The following PTPRD variants were observed in gnomAD, a reference collection of about 807,000 sequenced individuals.
PTPRD encodes the protein receptor-type tyrosine-protein phosphatase delta.
PTPRD carries 34 observed loss-of-function variants against 214.5 expected under a neutral mutation model. The ratio of observed to expected loss-of-function variants is 0.16; its 90% confidence interval spans 0.12 to 0.21. The LOEUF (loss-of-function observed/expected upper bound fraction) is 0.21. PTPRD is among the 10% of genes least tolerant of loss of function. The probability of loss-of-function intolerance (pLI) is 1.00; values close to 1 mark genes in which losing one functional copy is unlikely to be tolerated. For synonymous variants in PTPRD, 1,128 were observed against 845.7 expected, an observed-to-expected ratio of 1.33 and a Z score of -5.79; for missense variants, 2,545 against 2,398.7, an observed-to-expected ratio of 1.06 and a Z score of -1.27.
At chr9:10,547,642 T>G (rs1219928448) in intron 2 of PTPRD, among the ~76,000 whole-genome samples, 1 of 151,922 alleles carries the variant, frequency 6.6e-6, no homozygotes, top group Non-Finnish European at 1.5e-5. Flanking sequence ...AGTAGTATTG[T>G]GTACCATCAA....
chr9:10,243,920 T>G (rs2154364419), intron 3 of PTPRD, among the ~76,000 whole-genome samples: 1 of 152,184 alleles, frequency 6.6e-6, no homozygotes, highest in African/African-American at 2.4e-5. Context: ...CTGCTAGATT[T>G]ACATCAAAGT....
At chr9:9,975,644 T>C (rs142328894) in intron 4 of PTPRD, among the ~76,000 whole-genome samples, 1 of 152,296 alleles carries the variant, frequency 6.6e-6, no homozygotes, top group African/African-American at 2.4e-5. Context: ...TGCTCTACAT[T>C]ATATCAACCT....
At chr9:8,512,138 G>T (rs2097695480) in intron 21 of PTPRD, among the ~76,000 whole-genome samples, 1 of 151,950 alleles carries the variant, frequency 6.6e-6, no homozygotes, top group Non-Finnish European at 1.5e-5. Context: ...TTTTATTAAG[G>T]TACATGTTTT....
intron 2 of PTPRD, among the ~76,000 whole-genome samples, chr9:10,550,287 T>A (rs2061022851): frequency 6.6e-6 from 1 of 152,200 alleles, no homozygotes; most frequent in South Asian, 2.1e-4. Context: ...TATAATTTTT[T>A]AAATTTAGAT....
At chr9:9,671,634 C>T (rs1450819687) in intron 7 of PTPRD, among the ~76,000 whole-genome samples, 1 of 152,062 alleles carries the variant, frequency 6.6e-6, no homozygotes. Flanking sequence ...ATCGTGAGGG[C>T]AGTTTCCCCC....
chr9:9,098,557 CT>C (rs751090865), intron 10 of PTPRD, among the ~76,000 whole-genome samples: 47 of 152,086 alleles, frequency 3.1e-4, no homozygotes, highest in Admixed American at 1.1e-3. Flanking sequence ...CCTGTTATTT[CT>C]TTTTAGTTAT....
intron 6 of PTPRD, among the ~76,000 whole-genome samples, chr9:9,743,204 A>C (rs909017316): frequency 1.9e-4 from 29 of 152,166 alleles, no homozygotes; most frequent in Non-Finnish European, 3.4e-4. Flanking sequence ...AAATAAAACA[A>C]TTTTATATAA....
intron 2 of PTPRD, among the ~76,000 whole-genome samples, chr9:10,545,660 G>A (rs542148525): frequency 7.2e-5 from 11 of 152,224 alleles, no homozygotes; most frequent in Admixed American, 6.6e-4. Flanking sequence ...TTAGTGTAAA[G>A]AAATAACTGA....
At chr9:8,483,646 G>A (rs2096936144) in intron 30 of PTPRD, among the ~76,000 whole-genome samples, 1 of 152,148 alleles carries the variant, frequency 6.6e-6, no homozygotes, top group Admixed American at 6.6e-5. Flanking sequence ...CAGCTACTCA[G>A]GAGGCTGAGG....
chr9:10,364,592 T>C (rs2097477481), intron 2 of PTPRD, among the ~76,000 whole-genome samples: 1 of 150,040 alleles, frequency 6.7e-6, no homozygotes, highest in Non-Finnish European at 1.5e-5. Context: ...GTTGAAATAT[T>C]CTATCCAACT....
intron 11 of PTPRD, among the ~76,000 whole-genome samples, chr9:8,951,908 G>C (rs1032974964): frequency 6.6e-6 from 1 of 151,968 alleles, no homozygotes; most frequent in African/African-American, 2.4e-5. Flanking sequence ...CACTTGAAAT[G>C]AATTCCAAAG....
chr9:9,248,492 A>C (rs2099974023), intron 9 of PTPRD, among the ~76,000 whole-genome samples: 1 of 152,064 alleles, frequency 6.6e-6, no homozygotes, highest in Non-Finnish European at 1.5e-5. Flanking sequence ...TTCTAATGTT[A>C]GGGCAACATT....
intron 3 of PTPRD, among the ~76,000 whole-genome samples, chr9:10,312,644 A>G (rs1260152067): frequency 1.3e-5 from 2 of 151,994 alleles, no homozygotes; most frequent in South Asian, 4.1e-4. Context: ...AGCATATATT[A>G]TCTATCTCTA....
intron 3 of PTPRD, among the ~76,000 whole-genome samples, chr9:10,209,591 G>C (rs1044694410): frequency 6.6e-6 from 1 of 151,784 alleles, no homozygotes; most frequent in South Asian, 2.1e-4. Flanking sequence ...TTTTTTTTAA[G>C]TTGTTATAAC....
chr9:10,036,634 G>C (rs1033804590), intron 3 of PTPRD, among the ~76,000 whole-genome samples: 1 of 151,796 alleles, frequency 6.6e-6, no homozygotes, highest in African/African-American at 2.4e-5. Flanking sequence ...CACCAGGCTG[G>C]AGTGCAGTGG....
chr9:10,173,082 A>AT (rs1168027928), intron 3 of PTPRD, among the ~76,000 whole-genome samples: 1 of 152,158 alleles, frequency 6.6e-6, no homozygotes, highest in Non-Finnish European at 1.5e-5. Flanking sequence ...GAATGTGGCC[A>AT]TTTTTTATCT....
rs752353348 is a variant in PTPRD at position 8,528,767 on chromosome 9, G to A, written c.365C>T (p.Pro122Leu). 5 of 1,613,020 alleles carry A rather than the reference G, an allele frequency of 3.1e-6. No individual in the cohort carries two copies. In the Admixed American group the frequency reaches 6.7e-5, roughly 22 times the overall value. ...RLTVLREDQI[P>L]RGFPTIDMGP... ...CATGTCAATGGTAGGGAAGCCCCTG[G>A]GAATTTGATCTTCTGCAAGACAAAA... The change falls in exon 15 of 46, where the codon CCC becomes CTC. Residue 122 changes from proline to leucine, a missense_variant. Transcript: ENST00000381196.
rs558833189 is a variant in PTPRD at position 8,652,531 on chromosome 9, C to T, written c.65-15687G>A. Among the ~76,000 whole-genome samples the T allele has an allele frequency of 2.6e-5, 4 of 152,310 alleles. No homozygotes were observed. The East Asian group carries it at 7.7e-4, about 29-fold the overall frequency. Reference sequence around the variant, plus strand: ...ACATGCTGTAGCAATGCTTTTCATCCAACAGAGCTGCACTGACCAGGTTAT... The same window carrying T: ...ACATGCTGTAGCAATGCTTTTCATCTAACAGAGCTGCACTGACCAGGTTAT... On this transcript the variant is annotated intron_variant, in intron 12 of 45. Transcript: ENST00000381196.
chr9:9,332,859 G>A (rs986468161), intron 9 of PTPRD, among the ~76,000 whole-genome samples: 1 of 151,884 alleles, frequency 6.6e-6, no homozygotes, highest in African/African-American at 2.4e-5. Context: ...CTTTCATCAA[G>A]TGGATACATG....
Sources: gnomAD v4.1 joint callset for allele counts (sites outside exome capture counted in the v4.1 genomes callset) on GRCh38, gnomAD v4.1.1 for gene constraint, MANE v1.5 for transcripts, NCBI Gene and HGNC (gene_info 2026-07-23, HGNC 2026-07-21) for gene names.